CASTOR2: variants seen among roughly 807,000 people sequenced by gnomAD.
The protein encoded by CASTOR2 is cytosolic arginine sensor for mTORC1 subunit 2, also known as GATS protein like 2.
Under a neutral mutation model 31.2 loss-of-function variants are expected in CASTOR2, and 8 were observed. The observed-to-expected ratio is 0.26, with a 90% CI of 0.15 to 0.46. The LOEUF (loss-of-function observed/expected upper bound fraction) is 0.46, where lower values mean the gene tolerates loss of function less well. CASTOR2 is among the 20% of genes least tolerant of loss of function. The pLI, the probability that CASTOR2 is intolerant of heterozygous loss-of-function variation, is 0.99. For missense variants in CASTOR2, 216 were observed against 382.1 expected (o/e 0.57, Z 3.62); for synonymous variants, 162 against 158.7 (o/e 1.02, Z -0.16).
chr7:75,012,694 AGTGGCATG>A (rs1311055586), intron 2 of CASTOR2, among the ~76,000 whole-genome samples: 10 of 149,804 alleles, frequency 6.7e-5, no homozygotes, highest in Non-Finnish European at 1.3e-4. Context: ...ACTGGAGTGT[AGTGGCATG>A]ATCTCAGCTC....
chr7:75,026,275 C>T lies in CASTOR2; in HGVS notation c.*1576C>T, dbSNP rs1244369751. ...CACGATCTTGGCTCACTACACCCTC[C>T]TCCTCCCAGGTTCAAGTGATTCTCC... On this transcript the variant is annotated 3_prime_UTR_variant, in exon 9 of 9. Coordinates refer to ENST00000616305, the MANE Select transcript of CASTOR2 (RefSeq NM_001145064.3). Among the ~76,000 whole-genome samples, 1 of 150,340 alleles carries T rather than the reference C, an allele frequency of 6.7e-6. No homozygotes were observed. Among genetic ancestry groups the T allele is most frequent in the East Asian group, 1.9e-4 (1 of 5,174 alleles).
intron 1 of CASTOR2, among the ~76,000 whole-genome samples, chr7:75,007,303 C>T (rs1804628121): frequency 2.6e-5 from 4 of 152,020 alleles, no homozygotes; most frequent in South Asian, 2.1e-4. Flanking sequence ...TGCCCAGGAC[C>T]GAGGCCAGCA....
intron 1 of CASTOR2, among the ~76,000 whole-genome samples, chr7:75,005,032 A>G (rs1372526401): frequency 6.6e-6 from 1 of 150,996 alleles, no homozygotes; most frequent in Non-Finnish European, 1.5e-5. Flanking sequence ...CGCCTGGCTA[A>G]TTTTTGCATT....
At chr7:74,983,125 C>T (rs1300559198) in intron 1 of CASTOR2, among the ~76,000 whole-genome samples, 1 of 71,696 alleles carries the variant, frequency 1.4e-5, no homozygotes, top group African/African-American at 5.7e-5. Flanking sequence ...GATTCTCCTG[C>T]CTCAGCCTCC....
intron 2 of CASTOR2, among the ~76,000 whole-genome samples, chr7:75,011,139 AG>A (rs1292130682): frequency 6.6e-6 from 1 of 151,890 alleles, no homozygotes; most frequent in Non-Finnish European, 1.5e-5. Flanking sequence ...CCAAAATATT[AG>A]CATTTTGGCC....
intron 7 of CASTOR2, 60 bp from the exon 8 acceptor site, chr7:75,024,380 G>A (rs960993509): frequency 1.3e-6 from 2 of 1,522,682 alleles, no homozygotes; most frequent in Non-Finnish European, 1.8e-6. Context: ...AGGCTGAAGA[G>A]CCACACAGGC....
At chr7:74,996,070 G>C (rs1804339421) in intron 1 of CASTOR2, among the ~76,000 whole-genome samples, 1 of 152,282 alleles carries the variant, frequency 6.6e-6, no homozygotes, top group African/African-American at 2.4e-5. Context: ...TGTGTGTTGG[G>C]GTGCTGAGCG....
Position 74,996,730 on chromosome 7 carries a change from TTTTTTTTTTTTTTTTG to T in CASTOR2, c.114-11263_114-11248del, listed in dbSNP as rs1804358754. Among the ~76,000 whole-genome samples, 5 of 112,142 alleles carry T rather than the reference TTTTTTTTTTTTTTTTG, an allele frequency of 4.5e-5. 1 individual carries two copies. Among genetic ancestry groups the T allele is most frequent in the Admixed American group, 9.2e-5 (1 of 10,878 alleles). The allele number at this position is 112,142 out of a possible 152,430, so 73.6% of individuals were successfully genotyped here. A position where few individuals can be genotyped will look rare whatever the true frequency, so the allele number is the denominator to read the frequency against. Reference sequence around the variant, plus strand: ...ATGCCTGGTGCTTTTTTTTTTTTTTTTTTTTTTTTTTTTTTGGAGACAGAATCTTACTCTGTCACCC... The same window carrying T: ...ATGCCTGGTGCTTTTTTTTTTTTTTTGAGACAGAATCTTACTCTGTCACCC... On this transcript the variant is annotated intron_variant, in intron 1 of 8. Coordinates refer to ENST00000616305, the MANE Select transcript of CASTOR2 (RefSeq NM_001145064.3).
intron 1 of CASTOR2, among the ~76,000 whole-genome samples, chr7:75,000,052 C>G (rs1258676476): frequency 6.6e-6 from 1 of 152,136 alleles, no homozygotes; most frequent in African/African-American, 2.4e-5. Flanking sequence ...TATAGCAAGA[C>G]CCCGTCTCCA....
intron 1 of CASTOR2, among the ~76,000 whole-genome samples, chr7:75,001,850 G>T (rs1279457972): frequency 5.9e-5 from 9 of 152,246 alleles, no homozygotes; most frequent in African/African-American, 1.7e-4. Flanking sequence ...ACTGTCATGC[G>T]CAGTTGGATG....
In CASTOR2 at chr7:75,018,927, C is replaced by G. The variant is rs1326278428; in HGVS notation, c.512-45C>G. 1.8e-5 allele frequency: 28 copies of G among 1,551,574 alleles called. No homozygotes were observed. The Admixed American group carries it at 3.7e-4, about 21-fold the overall frequency. ...GGCCCTGCACCCACCAGAGCTGCTG[C>G]TTTCAGTCCCAGCCTCAGTGCCTGA... is the stretch of plus-strand genomic sequence containing the variant. On this transcript the variant is annotated intron_variant, in intron 4 of 8. Transcript: ENST00000616305.
In CASTOR2 at chr7:75,009,353, C is replaced by T. The variant is rs1438510837; in HGVS notation, c.184+1289C>T. On this transcript the variant is annotated intron_variant, in intron 2 of 8. Coordinates refer to ENST00000616305, the MANE Select transcript of CASTOR2 (RefSeq NM_001145064.3). ...GGTGTGATCTCAGCACTGCAAGCTC[C>T]GCCTCCCAGGTTCACACCATTCTCC... is the stretch of plus-strand genomic sequence containing the variant. Among the ~76,000 whole-genome samples, 21 of 140,132 alleles carry T rather than the reference C, an allele frequency of 1.5e-4. 1 individual carries two copies. In the South Asian group the frequency reaches 3.2e-3, roughly 21 times the overall value. 91.9% of individuals were successfully genotyped at this position (140,132 alleles called of 152,430 possible). A position where few individuals can be genotyped will look rare whatever the true frequency, so the allele number is the denominator to read the frequency against.
At chr7:75,015,267 C>G (rs1285580829) in intron 2 of CASTOR2, among the ~76,000 whole-genome samples, 2 of 152,154 alleles carry the variant, frequency 1.3e-5, no homozygotes, top group Non-Finnish European at 2.9e-5. Flanking sequence ...CCCTCTCTCC[C>G]TTTTTATCGA....
intron 2 of CASTOR2, among the ~76,000 whole-genome samples, chr7:75,016,876 C>T (rs2131953285): frequency 6.6e-6 from 1 of 152,322 alleles, no homozygotes; most frequent in South Asian, 2.1e-4. Context: ...CAAATCCCAT[C>T]CTGTTGAAGG....
At chr7:74,990,666 C>T (rs1379532322) in intron 1 of CASTOR2, among the ~76,000 whole-genome samples, 1 of 152,094 alleles carries the variant, frequency 6.6e-6, no homozygotes, top group Non-Finnish European at 1.5e-5. Flanking sequence ...ACCAGCCTGG[C>T]CAACATGGCA....
intron 1 of CASTOR2, among the ~76,000 whole-genome samples, chr7:74,987,459 G>T (rs1173373103): frequency 6.6e-6 from 1 of 152,028 alleles, no homozygotes; most frequent in Non-Finnish European, 1.5e-5. Context: ...AAGAAGGAAG[G>T]TTCTTAAGTC....
At chr7:74,993,313 G>A (rs1804256377) in intron 1 of CASTOR2, among the ~76,000 whole-genome samples, 1 of 152,114 alleles carries the variant, frequency 6.6e-6, no homozygotes, top group Non-Finnish European at 1.5e-5. Context: ...GTATGCAAAT[G>A]CAGGCTGGGC....
intron 5 of CASTOR2, 27 bp from the exon 6 acceptor site, chr7:75,020,012 T>C (rs1399883989): frequency 6.5e-7 from 1 of 1,550,188 alleles, no homozygotes; most frequent in Non-Finnish European, 8.7e-7. Flanking sequence ...AGGGGCCCCA[T>C]CTTTACCAGC....
At chr7:75,009,559 C>A (rs1168157988) in intron 2 of CASTOR2, among the ~76,000 whole-genome samples, 1 of 151,924 alleles carries the variant, frequency 6.6e-6, no homozygotes, top group African/African-American at 2.4e-5. Context: ...TGAGCCACCG[C>A]GCCCGGCCCT....
Sources: allele counts gnomAD v4.1 joint callset (sites outside exome capture counted in the v4.1 genomes callset), GRCh38; gene constraint gnomAD v4.1.1; transcripts MANE v1.5; gene names NCBI Gene and HGNC (gene_info 2026-07-23, HGNC 2026-07-21).